The following PRKCE variants were observed in gnomAD, a reference collection of about 807,000 sequenced individuals.
The protein encoded by PRKCE is protein kinase C epsilon, also known as protein kinase C epsilon type.
PRKCE carries 16 observed loss-of-function variants against 85.4 expected under a neutral mutation model. The ratio of observed to expected loss-of-function variants is 0.19; its 90% CI spans 0.13 to 0.28. PRKCE has a LOEUF of 0.28. Among genes scored for constraint, PRKCE ranks in the 10% least tolerant of loss-of-function variants. PRKCE has a pLI of 1.00. For missense variants in PRKCE, 573 were observed against 975.2 expected (o/e 0.59, Z 5.49); for synonymous variants, 388 against 371.5 (o/e 1.04, Z -0.51).
chr2:46,050,582 G>T (rs149989592), intron 10 of PRKCE, among the ~76,000 whole-genome samples: 306 of 152,244 alleles, frequency 2.0e-3, no homozygotes, highest in African/African-American at 7.1e-3. Flanking sequence ...GTGACCTTGT[G>T]GGGTGGGAAG....
intron 1 of PRKCE, among the ~76,000 whole-genome samples, chr2:45,791,822 C>T (rs1687055124): frequency 6.6e-6 from 1 of 152,190 alleles, no homozygotes; most frequent in Non-Finnish European, 1.5e-5. Flanking sequence ...TGGTCAGGAG[C>T]ACGGGCTTTG....
chr2:45,962,253 T>G (rs1440950841), intron 2 of PRKCE, among the ~76,000 whole-genome samples: 1 of 152,010 alleles, frequency 6.6e-6, no homozygotes, highest in East Asian at 1.9e-4. Flanking sequence ...ATTCCTACTT[T>G]CCCCCCAGGG....
chr2:45,906,929 G>A (rs754006689), intron 2 of PRKCE, among the ~76,000 whole-genome samples: 3 of 152,146 alleles, frequency 2.0e-5, no homozygotes, highest in Admixed American at 6.5e-5. Context: ...TTCTCCTGCC[G>A]CCCTTCTTTA....
intron 10 of PRKCE, among the ~76,000 whole-genome samples, chr2:46,059,251 G>A (rs1308723104): frequency 6.6e-6 from 1 of 151,992 alleles, no homozygotes; most frequent in Non-Finnish European, 1.5e-5. Flanking sequence ...TCGCGCCGTT[G>A]CACTCCAGCC....
At chr2:45,986,099 A>T (rs1008931317) in intron 6 of PRKCE, among the ~76,000 whole-genome samples, 3 of 152,280 alleles carry the variant, frequency 2.0e-5, no homozygotes, top group African/African-American at 7.2e-5. Flanking sequence ...GAAAAGTAGC[A>T]AAGAATGGCA....
rs949060837 is a variant in PRKCE at position 46,084,199 on chromosome 2, G to T, written c.1438-2009G>T. ...TAAATGGAAGAAAAGCTGGACTTAG[G>T]CCCTTTGTGAATACCGGTAAAGATG... On this transcript the variant is annotated intron_variant, in intron 10 of 14. Transcript: ENST00000306156. Among the ~76,000 whole-genome samples the T allele has an allele frequency of 4.9e-4, 74 of 152,218 alleles. 1 individual carries two copies. Among genetic ancestry groups the T allele is most frequent in the Admixed American group, 4.4e-3 (67 of 15,286 alleles).
chr2:45,995,980 C>T (rs982026654), intron 6 of PRKCE, among the ~76,000 whole-genome samples: 2 of 152,116 alleles, frequency 1.3e-5, no homozygotes, highest in African/African-American at 4.8e-5. Flanking sequence ...AATACTGAGT[C>T]TTTCTATCCA....
intron 10 of PRKCE, among the ~76,000 whole-genome samples, chr2:46,063,096 G>T (rs1002665335): frequency 8.5e-5 from 13 of 152,162 alleles, no homozygotes; most frequent in African/African-American, 3.1e-4. Flanking sequence ...GCAGTTAACA[G>T]CTTTTGCCAC....
chr2:46,031,788 C>A (rs1358099480), intron 10 of PRKCE, among the ~76,000 whole-genome samples: 1 of 152,116 alleles, frequency 6.6e-6, no homozygotes, highest in Admixed American at 6.5e-5. Flanking sequence ...AGTTGCTAGT[C>A]CATCATGCTC....
intron 10 of PRKCE, among the ~76,000 whole-genome samples, chr2:46,040,479 C>T (rs1214736248): frequency 1.3e-5 from 2 of 152,150 alleles, no homozygotes; most frequent in African/African-American, 4.8e-5. Flanking sequence ...TACCTCCTGG[C>T]TCACCCCAGT....
At chr2:46,133,224 G>T (rs886848382) in intron 11 of PRKCE, among the ~76,000 whole-genome samples, 2 of 152,192 alleles carry the variant, frequency 1.3e-5, no homozygotes, top group Admixed American at 6.5e-5. Context: ...GGTTACTCTT[G>T]GTCCTTTAGC....
intron 2 of PRKCE, among the ~76,000 whole-genome samples, chr2:45,886,708 A>G (rs1166012835): frequency 6.6e-6 from 1 of 152,206 alleles, no homozygotes; most frequent in Non-Finnish European, 1.5e-5. Context: ...GAAGCATTGC[A>G]CTTCGAGTGC....
intron 1 of PRKCE, among the ~76,000 whole-genome samples, chr2:45,713,585 A>C (rs956409904): frequency 1.3e-5 from 2 of 152,224 alleles, no homozygotes; most frequent in Admixed American, 1.3e-4. Context: ...CATTTGAAGA[A>C]GGGATCCACT....
chr2:45,987,640 A>G (rs1323423437), intron 6 of PRKCE, among the ~76,000 whole-genome samples: 5 of 151,606 alleles, frequency 3.3e-5, no homozygotes, highest in South Asian at 2.1e-4. Flanking sequence ...GTGCACAGCC[A>G]CGGAACCTGC....
chr2:45,974,772 C>G (rs1327880711), intron 2 of PRKCE, among the ~76,000 whole-genome samples: 2 of 152,114 alleles, frequency 1.3e-5, no homozygotes, highest in African/African-American at 4.8e-5. Context: ...AAGACTGGCC[C>G]TGTTATGGTG....
In PRKCE at chr2:45,674,371, T is replaced by C. The variant is rs556114610; in HGVS notation, c.348+21923T>C. Among the ~76,000 whole-genome samples the C allele has an allele frequency of 2.0e-5, 3 of 152,314 alleles. No individual in the cohort carries two copies. The South Asian group carries it at 6.2e-4, about 32-fold the overall frequency. On this transcript the variant is annotated intron_variant, in intron 1 of 14. Coordinates refer to ENST00000306156, the MANE Select transcript of PRKCE (RefSeq NM_005400.3). ...TTATCTGGAGGGTGACATGGCAATG[T>C]CTGGAATTTTCAGATATCAGTGACA...
chr2:45,948,704 CT>C (rs891140374), intron 2 of PRKCE, among the ~76,000 whole-genome samples: 1 of 152,080 alleles, frequency 6.6e-6, no homozygotes. Context: ...TTCAAGTCTC[CT>C]TGTTGGGGGA....
chr2:46,018,859 C>A (rs1033045761), intron 10 of PRKCE, among the ~76,000 whole-genome samples: 3 of 152,214 alleles, frequency 2.0e-5, no homozygotes, highest in Non-Finnish European at 4.4e-5. Flanking sequence ...TATCTGAGGG[C>A]GTCTCGTAGA....
At chr2:45,781,132 A>T (rs1686148066) in intron 1 of PRKCE, among the ~76,000 whole-genome samples, 1 of 152,084 alleles carries the variant, frequency 6.6e-6, no homozygotes, top group Non-Finnish European at 1.5e-5. Context: ...CAGGAGTTCA[A>T]GACCAGCCTG....
Sources: allele counts gnomAD v4.1 joint callset (sites outside exome capture counted in the v4.1 genomes callset), GRCh38; gene constraint gnomAD v4.1.1; transcripts MANE v1.5; gene names NCBI Gene and HGNC (gene_info 2026-07-23, HGNC 2026-07-21).